Variants in MTRF1L observed in about 807,000 individuals in gnomAD.
The protein encoded by MTRF1L is mitochondrial translation release factor 1 like, also known as peptide chain release factor 1-like, mitochondrial.
Under a neutral mutation model 40.0 loss-of-function variants are expected in MTRF1L, and 29 were observed. That is an observed-to-expected ratio of 0.73 (90% CI 0.54 to 0.99). The LOEUF is 0.99. MTRF1L is among the 50% of genes least tolerant of loss of function. The pLI is 0.00. For synonymous variants in MTRF1L, 150 were observed against 175.8 expected (o/e 0.85, Z 1.16); for missense variants, 412 against 464.5 (o/e 0.89, Z 1.04).
intron 1 of MTRF1L, chr6:152,998,850 A>G: frequency 3.5e-6 from 1 of 284,056 alleles, no homozygotes; most frequent in Non-Finnish European, 6.5e-6. Context: ...TAAGTATAAA[A>G]TTTTTTTTCT....
At chr6:153,002,377 G>A (rs1778951528) in intron 1 of MTRF1L, 50 bp downstream of exon 1, 1 of 1,613,582 alleles carries the variant, frequency 6.2e-7, no homozygotes, top group East Asian at 2.2e-5. Context: ...AAAGTCAAAC[G>A]AAGAGTCAAG....
chr6:152,990,079 C>A lies in MTRF1L; in HGVS notation c.959G>T (p.Arg320Ile). 9.3e-6 allele frequency: 15 copies of A among 1,613,848 alleles called. No individual in the cohort carries two copies. The highest frequency in any genetic ancestry group is 1.3e-5 in the Non-Finnish European group (15 of 1,179,944). ...ARKIQIGSKGRSEKIRTYNFP... is the reference protein window; with the variant it reads ...ARKIQIGSKGISEKIRTYNFP... ...ATTATATGTTCTTATTTTCTCTGAT[C>A]TTCCTTTACTTCCAATCTGTATATA... is the stretch of plus-strand genomic sequence containing the variant. The change falls in exon 7 of 7, where the codon AGA (arginine) becomes ATA (isoleucine). Residue 320 changes from arginine to isoleucine, a missense_variant. Arg to Ile is a moderately conservative substitution (Grantham distance 97, BLOSUM62 -3). Transcript: ENST00000367233.
At chr6:152,998,429 AT>A in intron 2 of MTRF1L, 120 bp downstream of exon 2, 1 of 662,112 alleles carries the variant, frequency 1.5e-6, no homozygotes, top group Non-Finnish European at 2.3e-6. Context: ...TAGAAAATAA[AT>A]TTAAAAAACC....
At chr6:152,998,089 G>C (rs1584103913) in intron 2 of MTRF1L, among the ~76,000 whole-genome samples, 1 of 141,486 alleles carries the variant, frequency 7.1e-6, no homozygotes, top group African/African-American at 2.6e-5. Flanking sequence ...TTTAATTCCA[G>C]TTTTCCACAA....
chr6:153,000,130 T>C (rs1448829926), intron 1 of MTRF1L, among the ~76,000 whole-genome samples: 17 of 152,194 alleles, frequency 1.1e-4, no homozygotes, highest in Admixed American at 9.2e-4. Context: ...GTTAGGGCAA[T>C]AGGCTCAACT....
At chr6:152,993,476 C>T (rs1047476651) in intron 4 of MTRF1L, among the ~76,000 whole-genome samples, 1 of 152,172 alleles carries the variant, frequency 6.6e-6, no homozygotes, top group Non-Finnish European at 1.5e-5. Flanking sequence ...CCTCAACACA[C>T]TGGGATCTGA....
chr6:153,002,542 C>T lies in MTRF1L; in HGVS notation c.144G>A (p.Glu48=). The T allele has an allele frequency of 6.2e-7, 1 of 1,601,378 alleles. No homozygotes were observed. Among genetic ancestry groups the T allele is most frequent in the Non-Finnish European group, 8.5e-7 (1 of 1,174,972 alleles). ...TRGGPLRTFL[E]RQAGSEAHLK... ...AATGGGCTTCAGACCCCGCCTGGCG[C>T]TCGAGGAAGGTCCGCAAGGGCCCGC... The change falls in exon 1 of 7, where the codon GAG becomes GAA. Residue 48 remains glutamate (E), a synonymous_variant. Coordinates refer to ENST00000367233, the MANE Select transcript of MTRF1L (RefSeq NM_019041.7).
Position 152,989,897 on chromosome 6 carries a change from A to C in MTRF1L, c.1141T>G (p.Ter381GluextTer20), listed in dbSNP as rs1414233166. The C allele has an allele frequency of 6.8e-6, 11 of 1,609,398 alleles. No homozygotes were observed. The highest frequency in any genetic ancestry group is 9.3e-6 in the Non-Finnish European group (11 of 1,178,726). ...SLVEIISQKV* is the reference protein window; with the variant it reads ...SLVEIISQKVE ...AAGTCTATAAATAACAAATCAACTTAAACTTTTTGGGAAATAATTTCTACT... is the reference window on the plus strand; with the variant it reads ...AAGTCTATAAATAACAAATCAACTTCAACTTTTTGGGAAATAATTTCTACT... The change falls in exon 7 of 7, where the codon TAA (stop) becomes GAA (glutamate). Residue 381 changes from the stop codon to glutamate, a stop_lost. Transcript: ENST00000367233.
rs183878765 is a variant in MTRF1L at position 152,998,396 on chromosome 6, G to T, written c.339+154C>A. On this transcript the variant is annotated intron_variant, in intron 2 of 6. Coordinates refer to ENST00000367233, the MANE Select transcript of MTRF1L (RefSeq NM_019041.7). ...ACCTTAAATATATGCAATTTTGGGG[G>T]TCAATTTATACCTCAATAAATCTAG... 19 of 482,976 alleles carry T rather than the reference G, an allele frequency of 3.9e-5. No homozygotes were observed. In the East Asian group the frequency reaches 6.2e-4, roughly 16 times the overall value. The allele number at this position is 482,976 out of a possible 1,614,324, so 29.9% of individuals were successfully genotyped here.
chr6:152,992,333 T>C (rs1200037563), intron 5 of MTRF1L, among the ~76,000 whole-genome samples: 3 of 152,242 alleles, frequency 2.0e-5, no homozygotes, highest in African/African-American at 7.2e-5. Flanking sequence ...ATATAGTCCC[T>C]TTGCCTAACT....
At chr6:152,990,193 T>C in intron 6 of MTRF1L, 98 bp from the exon 7 acceptor site, 2 of 1,473,066 alleles carry the variant, frequency 1.4e-6, no homozygotes, top group Non-Finnish European at 1.8e-6. Context: ...ATTTATAACA[T>C]GAATCAAATG....
intron 1 of MTRF1L, among the ~76,000 whole-genome samples, chr6:152,999,538 C>T (rs541433202): frequency 6.6e-6 from 1 of 152,110 alleles, no homozygotes; most frequent in Non-Finnish European, 1.5e-5. Flanking sequence ...GTGTCCCCAC[C>T]CAAATCTCAT....
At position 153,002,697 on chromosome 6, in the gene MTRF1L, G is replaced by A; in HGVS notation, c.-12C>T. 1 of 1,472,460 alleles carries A rather than the reference G, an allele frequency of 6.8e-7. No homozygotes were observed. Among genetic ancestry groups the A allele is most frequent in the East Asian group, 2.5e-5 (1 of 40,230 alleles). 91.2% of individuals were successfully genotyped at this position (1,472,460 alleles called of 1,614,324 possible). On this transcript the variant is annotated 5_prime_UTR_variant, in exon 1 of 7. Transcript: ENST00000367233. The stretch of plus-strand genomic sequence containing the variant: ...ACCCGGGACCGCATCCTTAGTCCGA[G>A]ATCGCGGACCCTGACCGGAACCGGA...
In MTRF1L at chr6:152,988,179, T is replaced by C. The variant is rs1239865300; in HGVS notation, c.*1716A>G. On this transcript the variant is annotated 3_prime_UTR_variant, in exon 7 of 7. Transcript: ENST00000367233. The stretch of plus-strand genomic sequence containing the variant: ...AGGGCTTTCTTGCTGTGTTCTCACA[T>C]ACAGAAGGCAAGCTAGCAGGATGCT... The C allele has an allele frequency of 3.5e-5, 2 of 56,796 alleles. 1 individual carries two copies. Among genetic ancestry groups the C allele is most frequent in the Non-Finnish European group, 5.8e-5 (2 of 34,202 alleles). The allele number at this position is 56,796 out of a possible 1,614,324, so 3.5% of individuals were successfully genotyped here.
At chr6:152,991,830 T>A (rs1391397581) in intron 5 of MTRF1L, among the ~76,000 whole-genome samples, 2 of 152,216 alleles carry the variant, frequency 1.3e-5, no homozygotes, top group Non-Finnish European at 2.9e-5. Context: ...ATTACAGGCG[T>A]GAGCCACCGC....
intron 1 of MTRF1L, among the ~76,000 whole-genome samples, chr6:153,000,938 A>T (rs907076960): frequency 7.3e-6 from 1 of 136,652 alleles, no homozygotes; most frequent in African/African-American, 2.8e-5. Flanking sequence ...CAGTGGCACC[A>T]TCTTGGCTCA....
chr6:152,998,100 A>C (rs1346991457), intron 2 of MTRF1L, among the ~76,000 whole-genome samples: 3 of 149,964 alleles, frequency 2.0e-5, no homozygotes, highest in African/African-American at 7.4e-5. Context: ...TTTTCCACAA[A>C]CTTTTGAAGT....
chr6:153,002,630 A>C lies in MTRF1L; in HGVS notation c.56T>G (p.Val19Gly), dbSNP rs1584110941. The C allele has an allele frequency of 6.5e-7, 1 of 1,532,038 alleles. No individual in the cohort carries two copies. The allele number at this position is 1,532,038 out of a possible 1,614,324, so 94.9% of individuals were successfully genotyped here. The change falls in exon 1 of 7, where the codon GTT becomes GGT. Residue 19 changes from valine (V) to glycine (G), a missense_variant. Coordinates refer to ENST00000367233, the MANE Select transcript of MTRF1L (RefSeq NM_019041.7). ...GCTCAGGGGCCGGCGGGCTGGGCCA[A>C]CGGCCCGGCGGGGCCAGAGCCACCG... ...AARWLWPRRA[V>G]GPARRPLSSG...
rs1488304903 is a variant in MTRF1L at position 152,998,641 on chromosome 6, A to G, written c.260-12T>C. ...ATCTTCATTCTCATCTAGGAAAAAAAGGGCAGAAGTTAAGGTTTTCCTTAA... is the reference window on the plus strand; with the variant it reads ...ATCTTCATTCTCATCTAGGAAAAAAGGGGCAGAAGTTAAGGTTTTCCTTAA... On this transcript the variant is annotated splice_polypyrimidine_tract_variant and intron_variant, in intron 1 of 6. Coordinates refer to ENST00000367233, the MANE Select transcript of MTRF1L (RefSeq NM_019041.7). 3 of 1,569,960 alleles carry G rather than the reference A, an allele frequency of 1.9e-6. No individual in the cohort carries two copies. Among genetic ancestry groups the G allele is most frequent in the South Asian group, 1.2e-5 (1 of 84,288 alleles).
Sources: allele counts gnomAD v4.1 joint callset (sites outside exome capture counted in the v4.1 genomes callset), GRCh38; gene constraint gnomAD v4.1.1; transcripts MANE v1.5; gene names NCBI Gene and HGNC (gene_info 2026-07-23, HGNC 2026-07-21).